PCDH11Y: variants seen among roughly 807,000 people sequenced by gnomAD.
The protein encoded by PCDH11Y is protocadherin-11 Y-linked.
For missense variants in PCDH11Y, 12 were observed against 224.8 expected, an observed-to-expected ratio of 0.05 and a Z score of 6.05; for synonymous variants, 9 against 83.6, an observed-to-expected ratio of 0.11 and a Z score of 4.87.
At chrY:5,385,631 T>C in intron 2 of PCDH11Y, among the ~76,000 whole-genome samples, 1 of 33,715 alleles carries the variant, frequency 3.0e-5, no homozygotes. Flanking sequence ...TCACCAGCAG[T>C]ATAGAAGTGT....
At chrY:5,162,238 A>T in intron 2 of PCDH11Y, among the ~76,000 whole-genome samples, 1 of 32,696 alleles carries the variant, frequency 3.1e-5, no homozygotes, top group Non-Finnish European at 7.6e-5. Context: ...TGGAAAAAAA[A>T]TTATGTTTCT....
chrY:5,381,929 A>C (rs2053205604), intron 2 of PCDH11Y, among the ~76,000 whole-genome samples: 1 of 33,670 alleles, frequency 3.0e-5, no homozygotes, highest in Non-Finnish European at 7.4e-5. Flanking sequence ...ATTTGAATAC[A>C]CTTTAACTAA....
At chrY:5,694,344 T>C in intron 4 of PCDH11Y, among the ~76,000 whole-genome samples, 1 of 32,739 alleles carries the variant, frequency 3.1e-5, no homozygotes, top group African/African-American at 1.2e-4. Context: ...CATGTACGTG[T>C]AAGATAATTT....
Position 5,285,361 on chromosome Y carries a change from C to T in PCDH11Y, c.3129+184654C>T, listed in dbSNP as rs1602899344. Among the ~76,000 whole-genome samples the T allele has an allele frequency of 2.7e-4, 9 of 33,016 alleles. No individual in the cohort carries two copies. In the East Asian group the frequency reaches 7.2e-3, roughly 26 times the overall value. The allele number at this position is 33,016 out of a possible 37,273, so 88.6% of individuals were successfully genotyped here. On this transcript the variant is annotated intron_variant, in intron 2 of 4. Transcript: ENST00000400457. ...CTACTGTGAATGGTGCTATGATGAA[C>T]ATACATGTGCATGAGTCCTTATGGT...
rs541844386 is a variant in PCDH11Y, at chrY:5,039,997, C to T, written c.32+7269C>T. Among the ~76,000 whole-genome samples the T allele has an allele frequency of 5.7e-3, 178 of 31,378 alleles. No individual in the cohort carries two copies. In the South Asian group the frequency reaches 0.12, roughly 22 times the overall value. 84.2% of individuals were successfully genotyped at this position (31,378 alleles called of 37,273 possible). On this transcript the variant is annotated intron_variant, in intron 3 of 5. Coordinates refer to the PCDH11Y transcript ENST00000333703. ...CTAAAAAAAAATACAAAAAATTAGC[C>T]GGGCATGGTGGCACACGCCTGTAGT...
At chrY:5,407,706 A>G (rs1313774676) in intron 2 of PCDH11Y, among the ~76,000 whole-genome samples, 45 of 31,348 alleles carry the variant, frequency 1.4e-3, no homozygotes, top group East Asian at 4.3e-3. Flanking sequence ...GAGGTCAGGA[A>G]ATTGAGACCA....
intron 2 of PCDH11Y, among the ~76,000 whole-genome samples, chrY:5,460,876 G>A (rs2053302527): frequency 3.0e-5 from 1 of 33,106 alleles, no homozygotes; most frequent in Non-Finnish European, 7.5e-5. Flanking sequence ...CCTCATGGTG[G>A]CAGCCATAGA....
intron 4 of PCDH11Y, among the ~76,000 whole-genome samples, chrY:5,694,622 AAAT>A (rs2053570376): frequency 3.1e-5 from 1 of 32,149 alleles, no homozygotes; most frequent in Non-Finnish European, 7.7e-5. Flanking sequence ...AAATTATTGA[AAAT>A]AAGGTGATGT....
intron 2 of PCDH11Y, among the ~76,000 whole-genome samples, chrY:5,200,163 C>G: frequency 3.1e-5 from 1 of 31,928 alleles, no homozygotes; most frequent in East Asian, 8.4e-4. Context: ...AGAAACTAGT[C>G]AAGGGGACTC....
At chrY:5,494,735 G>T in intron 2 of PCDH11Y, among the ~76,000 whole-genome samples, 1 of 33,322 alleles carries the variant, frequency 3.0e-5, no homozygotes, top group African/African-American at 1.2e-4. Context: ...TGAGAAATGA[G>T]ACTATTCAAA....
chrY:5,447,399 C>T, intron 2 of PCDH11Y, among the ~76,000 whole-genome samples: 1 of 30,171 alleles, frequency 3.3e-5, no homozygotes, highest in African/African-American at 1.3e-4. Context: ...TGGCTTAATA[C>T]GTATAAAGTA....
At chrY:5,406,737 T>C (rs2124677602) in intron 2 of PCDH11Y, among the ~76,000 whole-genome samples, 1 of 33,801 alleles carries the variant, frequency 3.0e-5, no homozygotes, top group East Asian at 7.7e-4. Flanking sequence ...ACCTGCTGGT[T>C]CAGATTATGT....
At chrY:5,180,396 A>G (rs2052898819) in intron 2 of PCDH11Y, among the ~76,000 whole-genome samples, 1 of 33,990 alleles carries the variant, frequency 2.9e-5, no homozygotes, top group Non-Finnish European at 7.3e-5. Flanking sequence ...AAAAGAATGT[A>G]TATTCTGTTG....
chrY:5,235,979 A>G, intron 2 of PCDH11Y, among the ~76,000 whole-genome samples: 2 of 33,483 alleles, frequency 6.0e-5, no homozygotes, highest in Non-Finnish European at 1.5e-4. Flanking sequence ...TTTTTATCCA[A>G]GTGCCCCAGT....
chrY:5,171,897 G>A, intron 2 of PCDH11Y, among the ~76,000 whole-genome samples: 1 of 32,644 alleles, frequency 3.1e-5, no homozygotes. Context: ...TTATCTCGGC[G>A]TGCTAGGGGT....
At chrY:5,160,198 ATTTAAG>A (rs2052873563) in intron 2 of PCDH11Y, among the ~76,000 whole-genome samples, 16 of 27,895 alleles carry the variant, frequency 5.7e-4, no homozygotes, top group African/African-American at 2.1e-3. Context: ...GAAAGGGATT[ATTTAAG>A]TTTAGCTATA....
chrY:5,592,113 C>G (rs2124698577), intron 4 of PCDH11Y, among the ~76,000 whole-genome samples: 5 of 31,724 alleles, frequency 1.6e-4, no homozygotes, highest in African/African-American at 6.2e-4. Flanking sequence ...CTAATACTGT[C>G]AAAGGGTGTT....
intron 2 of PCDH11Y, among the ~76,000 whole-genome samples, chrY:5,224,781 T>A (rs2124652942): frequency 3.0e-5 from 1 of 33,475 alleles, no homozygotes; most frequent in Non-Finnish European, 7.4e-5. Context: ...TGAGTCCAAA[T>A]CTTTAGTTCT....
chrY:5,563,264 T>TA (rs2053431147), intron 3 of PCDH11Y, among the ~76,000 whole-genome samples: 1 of 32,860 alleles, frequency 3.0e-5, no homozygotes, highest in South Asian at 6.8e-4. Context: ...CTCTGTCACT[T>TA]ACCTTTCTAT....
Sources: gnomAD v4.1 joint callset for allele counts (sites outside exome capture counted in the v4.1 genomes callset) on GRCh38, gnomAD v4.1.1 for gene constraint, MANE v1.5 for transcripts, NCBI Gene and HGNC (gene_info 2026-07-23, HGNC 2026-07-21) for gene names.